Variants in ANTXR1 observed in about 807,000 individuals in gnomAD.
ANTXR1 encodes the protein anthrax toxin receptor 1.
In ANTXR1, 19 loss-of-function variants were observed where a neutral mutation model predicts 78.1. The observed-to-expected ratio is 0.24, with a 90% confidence interval of 0.17 to 0.36. The LOEUF is 0.36. ANTXR1 is among the 10% of genes least tolerant of loss of function. ANTXR1 has a pLI of 1.00. For synonymous variants in ANTXR1, 273 were observed against 260.5 expected (o/e 1.05, Z -0.46); for missense variants, 518 against 718.6 (o/e 0.72, Z 3.19).
At chr2:69,169,183 A>T (rs1191556568) in intron 13 of ANTXR1, among the ~76,000 whole-genome samples, 1 of 152,264 alleles carries the variant, frequency 6.6e-6, no homozygotes, top group East Asian at 1.9e-4. Context: ...CTGGAGGAAG[A>T]AAAAATGGGT....
At chr2:69,116,056 GT>G (rs1045699573) in intron 10 of ANTXR1, among the ~76,000 whole-genome samples, 1 of 152,146 alleles carries the variant, frequency 6.6e-6, no homozygotes, top group Non-Finnish European at 1.5e-5. Flanking sequence ...CTCAACCACT[GT>G]TCAGCCTGTC....
intron 10 of ANTXR1, among the ~76,000 whole-genome samples, chr2:69,112,471 GA>G (rs538430790): frequency 7.0e-4 from 107 of 152,326 alleles, no homozygotes; most frequent in African/African-American, 2.3e-3. Context: ...ATGTGTGCCT[GA>G]TTCAGAGATG....
At chr2:69,021,437 T>A (rs1364106263) in intron 1 of ANTXR1, among the ~76,000 whole-genome samples, 1 of 152,218 alleles carries the variant, frequency 6.6e-6, no homozygotes, top group Non-Finnish European at 1.5e-5. Context: ...TCTCTGCATA[T>A]ACTACATGTC....
chr2:69,052,178 C>T (rs1287213034), intron 3 of ANTXR1, among the ~76,000 whole-genome samples: 4 of 151,976 alleles, frequency 2.6e-5, no homozygotes, highest in Admixed American at 6.6e-5. Context: ...GTAAGATTTA[C>T]GGATTTCATT....
chr2:69,045,118 A>T (rs1444680361), intron 3 of ANTXR1, among the ~76,000 whole-genome samples: 1 of 152,142 alleles, frequency 6.6e-6, no homozygotes, highest in East Asian at 1.9e-4. Context: ...GGCAAACCAT[A>T]TTATTGGGGG....
At chr2:69,033,495 C>G (rs1013983951) in intron 1 of ANTXR1, among the ~76,000 whole-genome samples, 2 of 152,194 alleles carry the variant, frequency 1.3e-5, no homozygotes, top group African/African-American at 4.8e-5. Context: ...GACTTGTCTT[C>G]TAAAGGGCAC....
rs148946183 is a variant in ANTXR1 at position 69,046,280 on chromosome 2, A to G, written c.296+1467A>G. On this transcript the variant is annotated intron_variant, in intron 3 of 17. Transcript: ENST00000303714. ...ATCACTTGCAGGTGCTTTGTGTGCT[A>G]ATGCTCACAGCTTCTGGGAAGTTGA... 2.7e-3 allele frequency among the ~76,000 whole-genome samples: 418 copies of G among 152,238 alleles called. 3 individuals are homozygous for G. Among genetic ancestry groups the G allele is most frequent in the African/African-American group, 9.6e-3 (400 of 41,556 alleles).
chr2:69,232,860 C>T (rs967053144), intron 17 of ANTXR1, among the ~76,000 whole-genome samples: 4 of 152,066 alleles, frequency 2.6e-5, no homozygotes, highest in Admixed American at 1.3e-4. Flanking sequence ...CCAGTATCAT[C>T]GATGAATCTT....
At chr2:69,178,786 C>T (rs1674199058) in intron 14 of ANTXR1, among the ~76,000 whole-genome samples, 1 of 152,210 alleles carries the variant, frequency 6.6e-6, no homozygotes. Context: ...GAAAACCACA[C>T]CAGAACTTCA....
At chr2:69,096,282 A>AAGGAAGGGAGGAAGGG (rs1258672829) in intron 9 of ANTXR1, among the ~76,000 whole-genome samples, 43 of 34,564 alleles carry the variant, frequency 1.2e-3, no homozygotes, top group Admixed American at 1.7e-3. Context: ...GGAAGGAAGG[A>AAGGAAGGGAGGAAGGG]AGGAAGGGAG....
At chr2:69,031,920 T>G (rs1157027194) in intron 1 of ANTXR1, among the ~76,000 whole-genome samples, 1 of 152,216 alleles carries the variant, frequency 6.6e-6, no homozygotes, top group African/African-American at 2.4e-5. Context: ...GCCAGATGGA[T>G]GTCTCCGACT....
At chr2:69,120,393 C>T (rs902148104) in intron 10 of ANTXR1, among the ~76,000 whole-genome samples, 4 of 152,146 alleles carry the variant, frequency 2.6e-5, no homozygotes, top group African/African-American at 7.2e-5. Flanking sequence ...GGGCCGGGTG[C>T]GGTGGCTCAC....
chr2:69,052,632 C>G (rs1441374360), intron 3 of ANTXR1, among the ~76,000 whole-genome samples: 1 of 152,052 alleles, frequency 6.6e-6, no homozygotes, highest in Non-Finnish European at 1.5e-5. Flanking sequence ...TTGTGTAGTA[C>G]TTGAGCCATT....
chr2:69,074,354 AG>A (rs1670663607), intron 6 of ANTXR1, among the ~76,000 whole-genome samples: 1 of 152,226 alleles, frequency 6.6e-6, no homozygotes, highest in Non-Finnish European at 1.5e-5. Context: ...AGTCAAATAA[AG>A]TAAAAACCCT....
At chr2:69,067,794 G>T (rs1244542347) in intron 3 of ANTXR1, among the ~76,000 whole-genome samples, 1 of 152,162 alleles carries the variant, frequency 6.6e-6, no homozygotes, top group East Asian at 1.9e-4. Context: ...CCCTGCCTGG[G>T]GATTGCTGGT....
chr2:69,059,087 C>T (rs545064288), intron 3 of ANTXR1, among the ~76,000 whole-genome samples: 1 of 152,146 alleles, frequency 6.6e-6, no homozygotes, highest in Non-Finnish European at 1.5e-5. Context: ...TGAGATGGAA[C>T]CTACTGCTGG....
At chr2:69,147,864 C>T (rs1172431414) in intron 12 of ANTXR1, among the ~76,000 whole-genome samples, 3 of 152,178 alleles carry the variant, frequency 2.0e-5, no homozygotes, top group African/African-American at 7.2e-5. Context: ...GGCTGTTTTA[C>T]CGAGGCTCAC....
chr2:69,134,258 T>C (rs1400736242), intron 12 of ANTXR1, among the ~76,000 whole-genome samples: 1 of 152,140 alleles, frequency 6.6e-6, no homozygotes, highest in Non-Finnish European at 1.5e-5. Flanking sequence ...AATATAGAAT[T>C]GGGGCTCTTT....
At chr2:69,201,647 T>C (rs559705594) in intron 17 of ANTXR1, among the ~76,000 whole-genome samples, 1 of 152,244 alleles carries the variant, frequency 6.6e-6, no homozygotes, top group South Asian at 2.1e-4. Context: ...ATTCACAAGA[T>C]ATTGAGCAAA....
Sources: gnomAD v4.1 joint callset for allele counts (sites outside exome capture counted in the v4.1 genomes callset) on GRCh38, gnomAD v4.1.1 for gene constraint, MANE v1.5 for transcripts, NCBI Gene and HGNC (gene_info 2026-07-23, HGNC 2026-07-21) for gene names.